Variants in NOL4L observed in about 807,000 individuals in gnomAD.
NOL4L encodes nucleolar protein 4-like.
In NOL4L, 7 loss-of-function variants were observed where a neutral mutation model predicts 64.5. That is an observed-to-expected ratio of 0.11 (90% confidence interval 0.06 to 0.20). The LOEUF (loss-of-function observed/expected upper bound fraction) is 0.20, where lower values mean the gene tolerates loss of function less well. Among genes scored for constraint, NOL4L ranks in the 10% least tolerant of loss-of-function variants. NOL4L has a pLI of 1.00. For missense variants in NOL4L, 680 were observed against 967.1 expected (o/e 0.70, Z 3.94); for synonymous variants, 413 against 401.0 (o/e 1.03, Z -0.36).
At chr20:32,534,434 C>T (rs1338999363) in intron 1 of NOL4L, among the ~76,000 whole-genome samples, 1 of 152,212 alleles carries the variant, frequency 6.6e-6, no homozygotes, top group Admixed American at 6.5e-5. Context: ...GCCGCTCCAT[C>T]CCATCCAGGC....
At chr20:32,545,988 G>A (rs1422803348) in intron 1 of NOL4L, among the ~76,000 whole-genome samples, 2 of 140,168 alleles carry the variant, frequency 1.4e-5, no homozygotes, top group Non-Finnish European at 3.0e-5. Context: ...TTGCTCTGTC[G>A]CCCAGGCTGG....
intron 1 of NOL4L, among the ~76,000 whole-genome samples, chr20:32,581,263 G>A (rs907032306): frequency 2.1e-5 from 3 of 141,502 alleles, no homozygotes; most frequent in Admixed American, 7.0e-5. Context: ...CTCGACCCCC[G>A]CCCTGCCCCA....
intron 4 of NOL4L, chr20:32,509,886 T>C: frequency 7.7e-7 from 1 of 1,304,282 alleles, no homozygotes; most frequent in Non-Finnish European, 1.0e-6. Context: ...TGGGCACAGA[T>C]GAGCACGGTG....
chr20:32,533,884 G>A (rs1351222693), intron 1 of NOL4L, among the ~76,000 whole-genome samples: 4 of 152,176 alleles, frequency 2.6e-5, no homozygotes, highest in East Asian at 1.9e-4. Flanking sequence ...GGCTCCTGCC[G>A]GGGCGACCTC....
At chr20:32,582,746 T>G (rs1242185913) in intron 1 of NOL4L, among the ~76,000 whole-genome samples, 1 of 152,046 alleles carries the variant, frequency 6.6e-6, no homozygotes, top group Non-Finnish European at 1.5e-5. Flanking sequence ...GGCACTGACC[T>G]AGGGTAGGGG....
At chr20:32,477,431 C>T (rs945557011) in intron 4 of NOL4L, among the ~76,000 whole-genome samples, 1 of 152,244 alleles carries the variant, frequency 6.6e-6, no homozygotes, top group Non-Finnish European at 1.5e-5. Context: ...GAACCACAAT[C>T]CCAATTCCAA....
chr20:32,546,433 C>T (rs2018734785), intron 1 of NOL4L, among the ~76,000 whole-genome samples: 1 of 151,960 alleles, frequency 6.6e-6, no homozygotes, highest in African/African-American at 2.4e-5. Flanking sequence ...GACAGGGTTT[C>T]TCCATGTTTT....
intron 10 of NOL4L, among the ~76,000 whole-genome samples, chr20:32,451,929 T>G (rs759705878): frequency 3.3e-5 from 5 of 151,364 alleles, no homozygotes; most frequent in African/African-American, 1.2e-4. Context: ...CCTGGGGGAG[T>G]GGAACCAGTG....
intron 5 of NOL4L, among the ~76,000 whole-genome samples, chr20:32,474,080 A>C (rs1398016869): frequency 6.6e-6 from 1 of 152,228 alleles, no homozygotes; most frequent in South Asian, 2.1e-4. Flanking sequence ...GGAGGCGGTC[A>C]GGGCTAGGGA....
In NOL4L at chr20:32,460,664, A is replaced by G. The variant is rs1000158054; in HGVS notation, c.842-4269T>C. Among the ~76,000 whole-genome samples the G allele has an allele frequency of 6.6e-6, 1 of 152,148 alleles. No homozygotes were observed. Among genetic ancestry groups the G allele is most frequent in the African/African-American group, 2.4e-5 (1 of 41,430 alleles). On this transcript the variant is annotated intron_variant, in intron 5 of 10. Transcript: ENST00000621426. This position sits in a 1 kb window ranked among gnomAD's most constrained non-coding sequence, Gnocchi z 5.7. ...CCTGCACCCCACATTTTCTCACATC[A>G]TAACTCACCCACTGCCGACGCACGA...
chr20:32,490,326 G>C (rs1236120420), intron 4 of NOL4L, among the ~76,000 whole-genome samples: 1 of 152,076 alleles, frequency 6.6e-6, no homozygotes, highest in Non-Finnish European at 1.5e-5. Flanking sequence ...GGAGAAAGGA[G>C]AGATGTTTCT....
chr20:32,531,682 C>T (rs554736118), intron 1 of NOL4L, among the ~76,000 whole-genome samples: 24 of 152,144 alleles, frequency 1.6e-4, no homozygotes, highest in South Asian at 1.2e-3. Flanking sequence ...AGTCAGTTTC[C>T]GCACCTATAA....
chr20:32,509,023 C>T (rs2017260004), intron 4 of NOL4L, among the ~76,000 whole-genome samples: 1 of 152,166 alleles, frequency 6.6e-6, no homozygotes, highest in Non-Finnish European at 1.5e-5. Context: ...CCTCAGATTC[C>T]ACTCTCAGCT....
intron 1 of NOL4L, among the ~76,000 whole-genome samples, chr20:32,542,088 G>C (rs2018665486): frequency 6.6e-6 from 1 of 152,216 alleles, no homozygotes; most frequent in African/African-American, 2.4e-5. Context: ...ATATCTTTGG[G>C]CTTCAGGACA....
chr20:32,559,940 G>A (rs1978899175), intron 1 of NOL4L, among the ~76,000 whole-genome samples: 2 of 152,366 alleles, frequency 1.3e-5, no homozygotes, highest in South Asian at 4.1e-4. Context: ...TGCCCTGGGA[G>A]ACCAAGCCTC....
At position 32,488,290 on chromosome 20, in the gene NOL4L, T is replaced by C. The variant is rs925036505; in HGVS notation, c.700-13548A>G. Among the ~76,000 whole-genome samples the C allele has an allele frequency of 2.6e-5, 4 of 152,216 alleles. No individual in the cohort carries two copies. In the South Asian group the frequency reaches 6.2e-4, roughly 24 times the overall value. On this transcript the variant is annotated intron_variant, in intron 4 of 10. Transcript: ENST00000621426. ...GGTAGACAGTCTCCAAGATGGCCCA[T>C]GATGACCCTCACCGCCCAGTTTCAT...
rs929651242 is a variant in NOL4L, at chr20:32,463,936, G to C, written c.842-7541C>G. On this transcript the variant is annotated intron_variant, in intron 5 of 10. Transcript: ENST00000621426. The surrounding 1 kb of genome is among the most constrained non-coding windows in gnomAD (Gnocchi z 5.8). Reference sequence around the variant, plus strand: ...GCCACTGGAGGCCAGCAGGCCCTGCGTGCAGACTGCCTTCCGTGTCCAGAG... The same window carrying C: ...GCCACTGGAGGCCAGCAGGCCCTGCCTGCAGACTGCCTTCCGTGTCCAGAG... Among the ~76,000 whole-genome samples the C allele has an allele frequency of 6.6e-6, 1 of 152,188 alleles. No homozygotes were observed. The highest frequency in any genetic ancestry group is 1.5e-5 in the Non-Finnish European group (1 of 68,016).
chr20:32,510,026 T>C lies in NOL4L; in HGVS notation c.699+1321A>G, dbSNP rs1010689880. On this transcript the variant is annotated intron_variant, in intron 4 of 10. Coordinates refer to ENST00000621426, the MANE Select transcript of NOL4L (RefSeq NM_001256798.2). ...AGGCTGCACAGTGGTGCTGGGATTC[T>C]ATAACCAACAACAAAAGCAACACCC... 9.3e-6 allele frequency: 10 copies of C among 1,070,132 alleles called. No homozygotes were observed. The African/African-American group carries it at 1.3e-4, about 14-fold the overall frequency. The allele number at this position is 1,070,132 out of a possible 1,614,324, so 66.3% of individuals were successfully genotyped here.
rs371649171 is a variant in NOL4L, at chr20:32,452,340, G to C, written c.1718C>G (p.Pro573Arg). Residue 573 changes from proline (P) to arginine (R), a missense_variant, in exon 10 of 11, where the codon CCT becomes CGT. Transcript: ENST00000621426. ...SLPASSYSQD[P>R]VYANGGLNYS... ...GTTGAGGCCGCCGTTGGCGTACACA[G>C]GGTCCTGGGAGTAGGAGGAGGCTGG... 4 of 1,611,668 alleles carry C rather than the reference G, an allele frequency of 2.5e-6. No homozygotes were observed. The highest frequency in any genetic ancestry group is 1.7e-5 in the Admixed American group (1 of 59,742).
Sources: allele counts gnomAD v4.1 joint callset (sites outside exome capture counted in the v4.1 genomes callset), GRCh38; gene constraint gnomAD v4.1.1; non-coding constraint Gnocchi (gnomAD v3.1); transcripts MANE v1.5; gene names NCBI Gene and HGNC (gene_info 2026-07-23, HGNC 2026-07-21).